Variants in PRKD2 observed in about 807,000 individuals in gnomAD.
PRKD2 encodes protein kinase D2, also known as serine/threonine-protein kinase D2.
In PRKD2, 22 loss-of-function variants were observed where a neutral mutation model predicts 86.0. The ratio of observed to expected loss-of-function variants is 0.26; its 90% CI spans 0.18 to 0.37. The LOEUF (loss-of-function observed/expected upper bound fraction) is 0.37. Ranked by LOEUF, PRKD2 falls within the 10% of genes least tolerant of loss-of-function variation. The pLI, the probability that PRKD2 is intolerant of heterozygous loss-of-function variation, is 1.00. For synonymous variants in PRKD2, 509 were observed against 510.9 expected (o/e 1.00, Z 0.05); for missense variants, 818 against 1,199.2 (o/e 0.68, Z 4.70).
In PRKD2 at chr19:46,716,494, A is replaced by G. The variant is rs541455736; in HGVS notation, c.-124T>C. The G allele has an allele frequency of 9.4e-5, 51 of 539,752 alleles. No homozygotes were observed. Among genetic ancestry groups the G allele is most frequent in the Non-Finnish European group, 1.3e-4 (42 of 318,398 alleles). The allele number at this position is 539,752 out of a possible 1,614,324, so 33.4% of individuals were successfully genotyped here. On this transcript the variant is annotated 5_prime_UTR_variant, in exon 1 of 18. Coordinates refer to ENST00000291281, the MANE Select transcript of PRKD2 (RefSeq NM_016457.5). The surrounding 1 kb of genome is among the most constrained non-coding windows in gnomAD (Gnocchi z 7.9). ...GGTGGTGGGAGAGCGGGGATCCGAGAAAAGATCTGGCAGGCGGAGGGGACC... is the reference window on the plus strand; with the variant it reads ...GGTGGTGGGAGAGCGGGGATCCGAGGAAAGATCTGGCAGGCGGAGGGGACC...
Position 46,710,908 on chromosome 19 carries a change from A to T in PRKD2, c.510T>A (p.Asp170Glu), listed in dbSNP as rs752231529. 28 of 1,430,564 alleles carry T rather than the reference A, an allele frequency of 2.0e-5. No homozygotes were observed. The highest frequency in any genetic ancestry group is 2.3e-5 in the Non-Finnish European group (25 of 1,068,676). The allele number at this position is 1,430,564 out of a possible 1,614,324, so 88.6% of individuals were successfully genotyped here. The change falls in exon 3 of 18, where the codon GAT becomes GAA. Residue 170 changes from aspartate to glutamate, a missense_variant and splice_region_variant. Around this residue, in one of 5 missense-constraint regions of PRKD2, gnomAD observed 403 missense variants for 518.6 expected, o/e 0.78. Transcript: ENST00000291281. ...CGCCCCCAACCCTTTAGCTCTCACCATCGCACTTGAGGCCCTGGCGCACTA... is the reference window on the plus strand; with the variant it reads ...CGCCCCCAACCCTTTAGCTCTCACCTTCGCACTTGAGGCCCTGGCGCACTA... ...FGLVRQGLKC[D>E]GCGLNYHKRC...
intron 14 of PRKD2, among the ~76,000 whole-genome samples, chr19:46,684,664 G>A (rs1305384450): frequency 6.6e-6 from 1 of 152,096 alleles, no homozygotes; most frequent in African/African-American, 2.4e-5. Flanking sequence ...CAGTTCATGT[G>A]AACAAAGAGG....
rs2053864217 is a variant in PRKD2 at position 46,714,921 on chromosome 19, C to G, written c.241-920G>C. ...ACAGAAGACCAGGACTGCCTTGGCC[C>G]TGACCCCTTGGGAAGTTTTTCTCTA... is the stretch of plus-strand genomic sequence containing the variant. On this transcript the variant is annotated intron_variant, in intron 1 of 17. Transcript: ENST00000291281. Among the ~76,000 whole-genome samples, 3 of 152,120 alleles carry G rather than the reference C, an allele frequency of 2.0e-5. 1 individual carries two copies. In the South Asian group the frequency reaches 6.2e-4, roughly 32 times the overall value.
At chr19:46,703,961 ACACAC>A (rs931980364) in intron 5 of PRKD2, among the ~76,000 whole-genome samples, 7 of 95,110 alleles carry the variant, frequency 7.4e-5, no homozygotes, top group African/African-American at 3.0e-4. Context: ...CAACAACAAC[ACACAC>A]ACACACACAC....
intron 3 of PRKD2, among the ~76,000 whole-genome samples, chr19:46,708,983 T>TGG (rs71177244): frequency 2.5e-5 from 1 of 39,890 alleles, no homozygotes; most frequent in African/African-American, 7.0e-5. Flanking sequence ...TTTTTTTTTT[T>TGG]TTTTTTTTTT....
At chr19:46,688,875 G>A (rs1349001921) in intron 14 of PRKD2, 1 of 152,108 alleles carries the variant, frequency 6.6e-6, no homozygotes, top group Non-Finnish European at 1.5e-5. Context: ...TGATCAGTAA[G>A]AGAGCTTTGA....
intron 3 of PRKD2, among the ~76,000 whole-genome samples, chr19:46,709,900 G>A (rs1056223842): frequency 6.6e-6 from 1 of 151,400 alleles, no homozygotes; most frequent in Non-Finnish European, 1.5e-5. Flanking sequence ...TTATTGTTTT[G>A]TTTTTGTTTC....
In PRKD2 at chr19:46,689,878, T is replaced by C. The variant is rs532913513; in HGVS notation, c.1810-180A>G. Among the ~76,000 whole-genome samples, 169 of 152,292 alleles carry C rather than the reference T, an allele frequency of 1.1e-3. 1 individual carries two copies. Among genetic ancestry groups the C allele is most frequent in the Non-Finnish European group, 2.1e-3 (141 of 68,024 alleles). On this transcript the variant is annotated intron_variant, in intron 13 of 17. Coordinates refer to ENST00000291281, the MANE Select transcript of PRKD2 (RefSeq NM_016457.5). ...AGAACAGGCCCACCTCCACCCCACCTGCCAGGTGCCCAGAAGGATCTTTTT... is the reference window on the plus strand; with the variant it reads ...AGAACAGGCCCACCTCCACCCCACCCGCCAGGTGCCCAGAAGGATCTTTTT...
chr19:46,682,781 C>T (rs2053328084), intron 14 of PRKD2, among the ~76,000 whole-genome samples: 2 of 148,174 alleles, frequency 1.3e-5, no homozygotes, highest in Admixed American at 1.4e-4. Context: ...TCACAGCTCA[C>T]TGCACCTCGA....
At chr19:46,699,043 C>G (rs908036844) in intron 7 of PRKD2, among the ~76,000 whole-genome samples, 2 of 152,112 alleles carry the variant, frequency 1.3e-5, no homozygotes, top group Admixed American at 1.3e-4. Context: ...AACACTCTGT[C>G]GTCACTGTGA....
intron 7 of PRKD2, 120 bp from the exon 8 acceptor site, chr19:46,697,970 G>C: frequency 1.2e-6 from 1 of 808,928 alleles, no homozygotes; most frequent in Non-Finnish European, 2.1e-6. Flanking sequence ...TGTTTGGTTT[G>C]TTTTGACATT....
chr19:46,701,246 G>A (rs576075935), intron 5 of PRKD2, 134 bp from the exon 6 acceptor site: 1 of 938,860 alleles, frequency 1.1e-6, no homozygotes, highest in Non-Finnish European at 1.7e-6. Flanking sequence ...GGCTGCTGCT[G>A]CCCTGGTCAT....
intron 2 of PRKD2, among the ~76,000 whole-genome samples, chr19:46,713,002 T>C (rs934333158): frequency 6.7e-6 from 1 of 149,882 alleles, no homozygotes; most frequent in Non-Finnish European, 1.5e-5. Context: ...ACATCATAAC[T>C]TTTTTTTTTC....
At chr19:46,703,992 C>CACACACACA (rs946341425) in intron 5 of PRKD2, among the ~76,000 whole-genome samples, 177 bp downstream of exon 5, 25 of 150,310 alleles carry the variant, frequency 1.7e-4, no homozygotes, top group Admixed American at 4.0e-4. Context: ...CACACACACA[C>CACACACACA]AACTGAGGTT....
intron 7 of PRKD2, 30 bp downstream of exon 7, chr19:46,700,769 C>T: frequency 6.3e-7 from 1 of 1,595,644 alleles, no homozygotes; most frequent in South Asian, 1.1e-5. Context: ...GGGTCTTCCC[C>T]CAGGGTCTCT....
At chr19:46,704,839 T>C (rs886371251) in intron 3 of PRKD2, among the ~76,000 whole-genome samples, 190 bp from the exon 4 acceptor site, 1 of 150,962 alleles carries the variant, frequency 6.6e-6, no homozygotes, top group African/African-American at 2.4e-5. Flanking sequence ...CTCCTTAGAG[T>C]TCTGCCCCAA....
intron 14 of PRKD2, among the ~76,000 whole-genome samples, chr19:46,687,633 C>A (rs567222627): frequency 6.6e-6 from 1 of 152,250 alleles, no homozygotes; most frequent in South Asian, 2.1e-4. Flanking sequence ...GAGTGCTTGG[C>A]ACATAGTAAG....
At chr19:46,697,349 T>C in intron 8 of PRKD2, 115 bp from the exon 9 acceptor site, 1 of 753,946 alleles carries the variant, frequency 1.3e-6, no homozygotes, top group Non-Finnish European at 2.2e-6. Context: ...GCCGTAACTC[T>C]AGCACCTACC....
In PRKD2 at chr19:46,691,941, C is replaced by G. The variant is rs1016054137; in HGVS notation, c.1621G>C (p.Glu541Gln). The change falls in exon 11 of 18, where the codon GAG (glutamate) becomes CAG (glutamine). Residue 541 changes from glutamate (E) to glutamine (Q), a missense_variant. Glu to Gln is a conservative substitution (Grantham distance 29). This residue lies in a region of PRKD2 where 154 missense variants were observed against 359.6 expected (regional missense o/e 0.43). Transcript: ENST00000291281. ...SISVSNSQIQ[E>Q]NVDIATVYQI... is the part of the protein sequence containing the mutation. ...GGGGGCAGGAGTCTCACCACATTCT[C>G]TTGGATCTGACTGTTGGACACAGAG... is the stretch of plus-strand genomic sequence containing the variant. The G allele has an allele frequency of 6.2e-7, 1 of 1,614,024 alleles. No homozygotes were observed.
Sources: gnomAD v4.1 joint callset for allele counts (sites outside exome capture counted in the v4.1 genomes callset) on GRCh38, gnomAD v4.1.1 for gene constraint, gnomAD v4.1.1 regional missense constraint, Gnocchi (gnomAD v3.1) non-coding constraint, MANE v1.5 for transcripts, NCBI Gene and HGNC (gene_info 2026-07-23, HGNC 2026-07-21) for gene names.